The following CNPY2 variants were observed in gnomAD, a reference collection of about 807,000 sequenced individuals.
The protein encoded by CNPY2 is canopy FGF signaling regulator 2, also known as protein canopy homolog 2.
A neutral mutation model predicts 25.5 loss-of-function variants in CNPY2; 19 were observed. The observed-to-expected ratio is 0.74, with a 90% CI of 0.52 to 1.09. CNPY2 has a LOEUF of 1.09. Among genes scored for constraint, CNPY2 ranks in the 50% least tolerant of loss-of-function variants. CNPY2 has a pLI of 0.00. For missense variants in CNPY2, 214 were observed against 233.6 expected, an observed-to-expected ratio of 0.92 and a Z score of 0.55; for synonymous variants, 82 against 85.0, an observed-to-expected ratio of 0.96 and a Z score of 0.19.
At chr12:56,311,546 T>G in intron 3 of CNPY2, 132 bp from the exon 4 acceptor site, 1 of 952,264 alleles carries the variant, frequency 1.1e-6, no homozygotes. Flanking sequence ...TTTTAATTAG[T>G]TTTGTTTGTT....
At chr12:56,312,655 T>C in intron 3 of CNPY2, 1 of 151,492 alleles carries the variant, frequency 6.6e-6, no homozygotes, top group South Asian at 2.1e-4. Flanking sequence ...CACCGCAAGC[T>C]CCACCTCCCG....
At chr12:56,315,640 G>C (rs902759733) in intron 1 of CNPY2, 181 bp downstream of exon 1, 1 of 198,178 alleles carries the variant, frequency 5.0e-6, no homozygotes, top group African/African-American at 2.4e-5. Flanking sequence ...GGCCAGCGAG[G>C]AGAGCAATAA....
rs754753878 is a variant in CNPY2 at position 56,314,945 on chromosome 12, T to A, written c.110A>T (p.Glu37Val). ...HCGACRALVDELEWEIAQVDP... is the reference protein window; with the variant it reads ...HCGACRALVDVLEWEIAQVDP... ...CACCTGGGCAATTTCCCATTCTAGT[T>A]CATCCACCAGAGCCCTGCATGCTGG... The change falls in exon 3 of 6, where the codon GAA (glutamate) becomes GTA (valine). Residue 37 changes from glutamate (E) to valine (V), a missense_variant. By Grantham distance (121) the Glu-to-Val change is moderately radical. Transcript: ENST00000273308. The A allele has an allele frequency of 6.2e-7, 1 of 1,614,086 alleles. No homozygotes were observed. The highest frequency in any genetic ancestry group is 2.2e-5 in the East Asian group (1 of 44,878).
chr12:56,315,007 G>T, intron 2 of CNPY2, 41 bp from the exon 3 acceptor site: 1 of 1,609,924 alleles, frequency 6.2e-7, no homozygotes, highest in Non-Finnish European at 8.5e-7. Flanking sequence ...GACAGGGTAG[G>T]GGGTAGGGTG....
chr12:56,314,610 G>A (rs1565628697), intron 3 of CNPY2: 1 of 1,383,508 alleles, frequency 7.2e-7, no homozygotes, highest in Middle Eastern at 2.7e-4. Context: ...GTGGAGAAGG[G>A]TGCTGATCAG....
Position 56,315,146 on chromosome 12 carries a change from C to T in CNPY2, c.72G>A (p.Gln24=). The change falls in exon 2 of 6, where the codon CAG becomes CAA. Residue 24 remains glutamine (Q), a synonymous_variant. Transcript: ENST00000273308. ...TGCCTTTACCTCCACAGTGGAGATC[C>T]TGGCTCCTCCGAGCCCAGGCGGTTC... The part of the protein sequence containing the change: ...LLGTAWARRS[Q]DLHCGACRAL... 2 of 1,614,102 alleles carry T rather than the reference C, an allele frequency of 1.2e-6. No individual in the cohort carries two copies. The highest frequency in any genetic ancestry group is 1.7e-6 in the Non-Finnish European group (2 of 1,179,964).
At chr12:56,315,454 T>C (rs1298672406) in intron 1 of CNPY2, among the ~76,000 whole-genome samples, 4 of 152,268 alleles carry the variant, frequency 2.6e-5, no homozygotes, top group East Asian at 3.8e-4. Flanking sequence ...AGCTCAGGAC[T>C]TGCGGCTCAG....
chr12:56,312,157 C>A (rs1873737016), intron 3 of CNPY2, among the ~76,000 whole-genome samples: 1 of 151,914 alleles, frequency 6.6e-6, no homozygotes, highest in Non-Finnish European at 1.5e-5. Flanking sequence ...GGATTACAGG[C>A]ATGAGCCACC....
chr12:56,313,495 AAAT>A (rs1311144477), intron 3 of CNPY2, among the ~76,000 whole-genome samples: 1 of 148,404 alleles, frequency 6.7e-6, no homozygotes, highest in African/African-American at 2.4e-5. Flanking sequence ...CATCTCAAAA[AAAT>A]AATAATAATT....
chr12:56,316,298 C>T (rs1047601214), upstream of CNPY2: 1 of 152,540 alleles, frequency 6.6e-6, no homozygotes, highest in Non-Finnish European at 1.5e-5. Context: ...TGGGCTAGGA[C>T]CTTCAAAACG....
At chr12:56,313,979 GC>G in intron 3 of CNPY2, among the ~76,000 whole-genome samples, 1 of 147,826 alleles carries the variant, frequency 6.8e-6, no homozygotes. Flanking sequence ...TTGGCTCACT[GC>G]AACCTCTGCC....
chr12:56,312,797 C>T (rs1873760595), intron 3 of CNPY2: 1 of 151,892 alleles, frequency 6.6e-6, no homozygotes, highest in Non-Finnish European at 1.5e-5. Context: ...TCTCAAACTC[C>T]CAACTTCAGG....
At chr12:56,314,304 G>A (rs748378457) in intron 3 of CNPY2, among the ~76,000 whole-genome samples, 2 of 152,170 alleles carry the variant, frequency 1.3e-5, no homozygotes, top group Non-Finnish European at 2.9e-5. Context: ...CCAAGCAGCT[G>A]TCACTACAGG....
At chr12:56,310,932 C>G (rs781370065) in intron 5 of CNPY2, 26 bp downstream of exon 5, 1 of 1,599,766 alleles carries the variant, frequency 6.3e-7, no homozygotes, top group South Asian at 1.1e-5. Flanking sequence ...GCTACTAGAA[C>G]AGGAGATAAA....
Position 56,310,296 on chromosome 12 carries a change from C to A in CNPY2, c.*256G>T. 1 of 598,462 alleles carries A rather than the reference C, an allele frequency of 1.7e-6. No homozygotes were observed. Among genetic ancestry groups the A allele is most frequent in the South Asian group, 2.1e-5 (1 of 47,796 alleles). 37.1% of individuals were successfully genotyped at this position (598,462 alleles called of 1,614,324 possible). Reference sequence around the variant, plus strand: ...TCAGAAGGTAGAAGAATTAAAGGTTCAGGCCTCTCCTACCTTTATCCTGTA... The same window carrying A: ...TCAGAAGGTAGAAGAATTAAAGGTTAAGGCCTCTCCTACCTTTATCCTGTA... On this transcript the variant is annotated 3_prime_UTR_variant, in exon 6 of 6. Coordinates refer to ENST00000273308, the MANE Select transcript of CNPY2 (RefSeq NM_014255.7).
intron 1 of CNPY2, 77 bp downstream of exon 1, chr12:56,315,744 G>C (rs1396396172): frequency 6.4e-6 from 1 of 157,292 alleles, no homozygotes; most frequent in Non-Finnish European, 1.4e-5. Context: ...CCCTTTCTAA[G>C]GACTCCGCCA....
rs1274984406 is a variant in CNPY2, at chr12:56,314,592, A to G, written c.204+259T>C. ...CACAGTGCTACATTAAAAACCAGTC[A>G]TGTGGATGTGGAGAAGGGTGCTGAT... On this transcript the variant is annotated intron_variant, in intron 3 of 5. Transcript: ENST00000273308. The G allele has an allele frequency of 8.9e-6, 12 of 1,350,366 alleles. No homozygotes were observed. In the East Asian group the frequency reaches 1.5e-4, roughly 17 times the overall value. The allele number at this position is 1,350,366 out of a possible 1,614,324, so 83.6% of individuals were successfully genotyped here.
In CNPY2 at chr12:56,311,334, C is replaced by G. The variant is rs371411859; in HGVS notation, c.285G>C (p.Gln95His). 6.2e-7 allele frequency: 1 copy of G among 1,614,226 alleles called. No individual in the cohort carries two copies. The highest frequency in any genetic ancestry group is 1.7e-5 in the Admixed American group (1 of 60,024). ...ICDRMKEYGE[Q>H]IDPSTHRKNY... Reference sequence around the variant, plus strand: ...TCTTGCGATGGGTGGAAGGATCAATCTGTTCCCCATACTCCTTCATCCGGT... The same window carrying G: ...TCTTGCGATGGGTGGAAGGATCAATGTGTTCCCCATACTCCTTCATCCGGT... Residue 95 changes from glutamine (Q) to histidine (H), a missense_variant, in exon 4 of 6, where the codon CAG (glutamine) becomes CAC (histidine). By Grantham distance (24) the Gln-to-His change is conservative. Coordinates refer to ENST00000273308, the MANE Select transcript of CNPY2 (RefSeq NM_014255.7).
chr12:56,311,561 T>C, intron 3 of CNPY2, 147 bp from the exon 4 acceptor site: 1 of 900,216 alleles, frequency 1.1e-6, no homozygotes, highest in Non-Finnish European at 1.8e-6. Flanking sequence ...TTTGTTTGTT[T>C]GTTTTTTGAG....
Sources: allele counts gnomAD v4.1 joint callset (sites outside exome capture counted in the v4.1 genomes callset), GRCh38; gene constraint gnomAD v4.1.1; transcripts MANE v1.5; gene names NCBI Gene and HGNC (gene_info 2026-07-23, HGNC 2026-07-21).